The following SIK3 variants were observed in gnomAD, a reference collection of about 807,000 sequenced individuals.
SIK3 encodes serine/threonine-protein kinase SIK3.
SIK3 carries 28 observed loss-of-function variants against 144.2 expected under a neutral mutation model. The ratio of observed to expected loss-of-function variants is 0.19; its 90% confidence interval spans 0.14 to 0.27. The LOEUF (loss-of-function observed/expected upper bound fraction) is 0.27. Ranked by LOEUF, SIK3 falls within the 10% of genes least tolerant of loss-of-function variation. The pLI is 1.00. For synonymous variants in SIK3, 686 were observed against 676.3 expected (o/e 1.01, Z -0.22); for missense variants, 1,319 against 1,776.0 (o/e 0.74, Z 4.62).
At chr11:116,872,006 T>C (rs1194512742) in intron 13 of SIK3, among the ~76,000 whole-genome samples, 3 of 151,112 alleles carry the variant, frequency 2.0e-5, no homozygotes, top group Admixed American at 2.0e-4. Flanking sequence ...ATTACAGGAG[T>C]GGACAAACTC....
chr11:116,969,786 T>C (rs1479792142), intron 1 of SIK3, among the ~76,000 whole-genome samples: 1 of 152,194 alleles, frequency 6.6e-6, no homozygotes, highest in African/African-American at 2.4e-5. Flanking sequence ...CCATCCTGGT[T>C]ACAGACAAAA....
intron 1 of SIK3, among the ~76,000 whole-genome samples, chr11:117,023,615 A>ATAT (rs1555131677): frequency 3.8e-5 from 4 of 104,006 alleles, no homozygotes; most frequent in Non-Finnish European, 7.3e-5. Flanking sequence ...CAAACAAAAA[A>ATAT]AAAAAAATAT....
At chr11:117,007,886 C>A (rs921114233) in intron 1 of SIK3, among the ~76,000 whole-genome samples, 3 of 151,842 alleles carry the variant, frequency 2.0e-5, no homozygotes, top group African/African-American at 7.3e-5. Flanking sequence ...GAGTTCGAGA[C>A]CAGCCTGGCC....
At chr11:116,983,967 C>A (rs147507811) in intron 1 of SIK3, among the ~76,000 whole-genome samples, 2,614 of 146,692 alleles carry the variant, frequency 0.018, 45 homozygotes, top group Non-Finnish European at 0.021. Context: ...AGGAGGAGCA[C>A]TTGAGTCCAG....
chr11:116,954,335 G>T (rs1949060992), intron 2 of SIK3, among the ~76,000 whole-genome samples: 1 of 152,184 alleles, frequency 6.6e-6, no homozygotes, highest in Non-Finnish European at 1.5e-5. Context: ...GCTTGAGAGA[G>T]ATAGGCTTTT....
chr11:117,082,463 C>T (rs566866483), intron 1 of SIK3, among the ~76,000 whole-genome samples: 3 of 152,200 alleles, frequency 2.0e-5, no homozygotes, highest in East Asian at 3.9e-4. Flanking sequence ...AATGAGATTC[C>T]AACATATGTA....
At chr11:117,015,632 T>C (rs1951490590) in intron 1 of SIK3, among the ~76,000 whole-genome samples, 1 of 151,824 alleles carries the variant, frequency 6.6e-6, no homozygotes, top group South Asian at 2.1e-4. Flanking sequence ...TGGAGTACAA[T>C]GGCACAATCT....
chr11:116,935,054 C>T (rs1238703682), intron 3 of SIK3, among the ~76,000 whole-genome samples: 1 of 151,860 alleles, frequency 6.6e-6, no homozygotes, highest in Non-Finnish European at 1.5e-5. Flanking sequence ...CACTGCACTC[C>T]AGCCTGGGCG....
At chr11:116,943,495 GTC>G (rs1948423170) in intron 3 of SIK3, among the ~76,000 whole-genome samples, 1 of 152,092 alleles carries the variant, frequency 6.6e-6, no homozygotes, top group Non-Finnish European at 1.5e-5. Context: ...CCTCTTCAAG[GTC>G]TCCACTAACA....
intron 1 of SIK3, among the ~76,000 whole-genome samples, chr11:117,015,660 C>T (rs750576317): frequency 1.8e-4 from 28 of 152,060 alleles, no homozygotes; most frequent in Non-Finnish European, 3.2e-4. Context: ...CTGCAACCTC[C>T]GCCTCCTGGG....
chr11:116,992,328 A>C (rs1260798681), intron 1 of SIK3, among the ~76,000 whole-genome samples: 3 of 128,354 alleles, frequency 2.3e-5, no homozygotes, highest in African/African-American at 1.0e-4. Context: ...CCCCCCCCCA[A>C]AAAAAAACAC....
At chr11:116,921,927 C>CTT (rs560541355) in intron 4 of SIK3, among the ~76,000 whole-genome samples, 12 of 146,092 alleles carry the variant, frequency 8.2e-5, no homozygotes, top group African/African-American at 2.5e-4. Context: ...ATGGTTCAAT[C>CTT]TTTTTTTTTT....
chr11:116,852,030 A>G (rs1942495308), intron 21 of SIK3, among the ~76,000 whole-genome samples: 1 of 152,222 alleles, frequency 6.6e-6, no homozygotes, highest in Non-Finnish European at 1.5e-5. Flanking sequence ...CATCAGTTGC[A>G]TCTCTTTGCT....
At chr11:117,004,917 T>C (rs1321355254) in intron 1 of SIK3, among the ~76,000 whole-genome samples, 1 of 152,136 alleles carries the variant, frequency 6.6e-6, no homozygotes, top group Non-Finnish European at 1.5e-5. Context: ...ATGTGAGCAA[T>C]GAAAGGCATG....
intron 4 of SIK3, among the ~76,000 whole-genome samples, chr11:116,923,999 C>G (rs1421625016): frequency 1.3e-5 from 2 of 152,136 alleles, no homozygotes; most frequent in South Asian, 2.1e-4. Flanking sequence ...ATTTCCTTAA[C>G]AGCCGGGCGT....
At chr11:116,913,827 T>C (rs1946466093) in intron 4 of SIK3, among the ~76,000 whole-genome samples, 1 of 152,028 alleles carries the variant, frequency 6.6e-6, no homozygotes, top group South Asian at 2.1e-4. Context: ...GAGGCAGAGG[T>C]TGCAGTGGGC....
At chr11:116,972,326 T>G (rs1035421859) in intron 1 of SIK3, among the ~76,000 whole-genome samples, 1 of 152,250 alleles carries the variant, frequency 6.6e-6, no homozygotes, top group East Asian at 1.9e-4. Context: ...AAAAGTAGAT[T>G]TTATGGTAAT....
intron 4 of SIK3, among the ~76,000 whole-genome samples, chr11:116,923,379 G>T (rs923526618): frequency 6.6e-6 from 1 of 152,152 alleles, no homozygotes; most frequent in African/African-American, 2.4e-5. Flanking sequence ...TAGAATTAAA[G>T]TTGATTTCGT....
chr11:117,032,513 G>C (rs1474206282), intron 1 of SIK3, among the ~76,000 whole-genome samples: 1 of 151,724 alleles, frequency 6.6e-6, no homozygotes, highest in Non-Finnish European at 1.5e-5. Context: ...GTTTTGCCTT[G>C]TTTAGAGACA....
Sources: allele counts gnomAD v4.1 joint callset (sites outside exome capture counted in the v4.1 genomes callset), GRCh38; gene constraint gnomAD v4.1.1; transcripts MANE v1.5; gene names NCBI Gene and HGNC (gene_info 2026-07-23, HGNC 2026-07-21).